Variants in JARID2 observed in about 807,000 individuals in gnomAD.
JARID2 encodes the protein protein Jumonji.
A neutral mutation model predicts 125.6 loss-of-function variants in JARID2; 21 were observed. The ratio of observed to expected loss-of-function variants is 0.17; its 90% CI spans 0.12 to 0.24. JARID2 has a LOEUF of 0.24. Among genes scored for constraint, JARID2 ranks in the 10% least tolerant of loss-of-function variants. The pLI is 1.00. For missense variants in JARID2, 1,303 were observed against 1,639.6 expected (o/e 0.79, Z 3.55); for synonymous variants, 736 against 661.6 (o/e 1.11, Z -1.73).
chr6:15,303,993 C>T (rs1351443264), intron 1 of JARID2, among the ~76,000 whole-genome samples: 2 of 152,152 alleles, frequency 1.3e-5, no homozygotes, highest in East Asian at 1.9e-4. Flanking sequence ...ACTCTAGGCA[C>T]GTTGCTTATG....
Position 15,496,708 on chromosome 6 carries a change from G to A in JARID2, c.1483G>A (p.Glu495Lys), listed in dbSNP as rs1230397653. 2.5e-6 allele frequency: 4 copies of A among 1,613,580 alleles called. No individual in the cohort carries two copies. The highest frequency in any genetic ancestry group is 2.5e-6 in the Non-Finnish European group (3 of 1,179,940). ...GAAGGAAGTGCCGGAGCGCAGTCTG[G>A]AGAGGAATCGGCCGAAGCGGGCCAC... ...VKKEVPERSLERNRPKRATAG... is the reference protein window; with the variant it reads ...VKKEVPERSLKRNRPKRATAG... Residue 495 changes from glutamate to lysine, a missense_variant, in exon 7 of 18, where the codon GAG (glutamate) becomes AAG (lysine). Glu to Lys is a moderately conservative substitution (Grantham distance 56, BLOSUM62 1). Around this residue, in one of 11 missense-constraint regions of JARID2, gnomAD observed 651 missense variants for 581.6 expected, o/e 1.12. Coordinates refer to ENST00000341776, the MANE Select transcript of JARID2 (RefSeq NM_004973.4).
intron 1 of JARID2, among the ~76,000 whole-genome samples, chr6:15,353,902 T>C (rs886697843): frequency 6.6e-6 from 1 of 152,142 alleles, no homozygotes; most frequent in African/African-American, 2.4e-5. Flanking sequence ...TTATGTACAG[T>C]AAAATAAAAA....
At chr6:15,503,825 A>G (rs1770860479) in intron 8 of JARID2, among the ~76,000 whole-genome samples, 1 of 152,130 alleles carries the variant, frequency 6.6e-6, no homozygotes. Flanking sequence ...GAAGGTGCTG[A>G]CTCCGGATTC....
intron 2 of JARID2, among the ~76,000 whole-genome samples, chr6:15,409,639 C>G (rs751593045): frequency 2.6e-5 from 4 of 152,208 alleles, no homozygotes; most frequent in Admixed American, 6.5e-5. Flanking sequence ...CCCTGCTTAT[C>G]ATCTGCTATC....
intron 1 of JARID2, among the ~76,000 whole-genome samples, chr6:15,352,316 T>C (rs964513982): frequency 6.6e-6 from 1 of 152,158 alleles, no homozygotes; most frequent in African/African-American, 2.4e-5. Flanking sequence ...CCCCCGCCTC[T>C]CCACCCCGTT....
intron 2 of JARID2, among the ~76,000 whole-genome samples, chr6:15,396,079 C>A (rs1765209133): frequency 6.6e-6 from 1 of 152,162 alleles, no homozygotes; most frequent in Non-Finnish European, 1.5e-5. Context: ...TCAAAATATT[C>A]TGAAAAAGGT....
At chr6:15,252,590 C>CA (rs1411626496) in intron 1 of JARID2, among the ~76,000 whole-genome samples, 1 of 152,172 alleles carries the variant, frequency 6.6e-6, no homozygotes, top group Non-Finnish European at 1.5e-5. Flanking sequence ...GCACCTAATT[C>CA]ATGGAGTTCA....
chr6:15,398,926 A>G (rs1039958778), intron 2 of JARID2, among the ~76,000 whole-genome samples: 1 of 152,206 alleles, frequency 6.6e-6, no homozygotes, highest in East Asian at 1.9e-4. Flanking sequence ...CTTGCTGAGA[A>G]TTAGCATAAT....
Position 15,402,374 on chromosome 6 carries a change from T to C in JARID2, c.182-7850T>C, listed in dbSNP as rs148819794. Reference sequence around the variant, plus strand: ...AGGAAGCTTTAGAGACCTAAGTACATACACACTTGTAATTACTTGAAGGTA... The same window carrying C: ...AGGAAGCTTTAGAGACCTAAGTACACACACACTTGTAATTACTTGAAGGTA... On this transcript the variant is annotated intron_variant, in intron 2 of 17. Coordinates refer to ENST00000341776, the MANE Select transcript of JARID2 (RefSeq NM_004973.4). Among the ~76,000 whole-genome samples the C allele has an allele frequency of 1.8e-3, 276 of 152,324 alleles. 1 individual carries two copies. The highest frequency in any genetic ancestry group is 6.8e-3 in the Middle Eastern group (2 of 294).
Position 15,520,406 on chromosome 6 carries a change from C to A in JARID2, c.*155C>A. 1 of 596,316 alleles carries A rather than the reference C, an allele frequency of 1.7e-6. No individual in the cohort carries two copies. The highest frequency in any genetic ancestry group is 2.7e-6 in the Non-Finnish European group (1 of 368,098). The allele number at this position is 596,316 out of a possible 1,614,324, so 36.9% of individuals were successfully genotyped here. On this transcript the variant is annotated 3_prime_UTR_variant, in exon 18 of 18. Coordinates refer to ENST00000341776, the MANE Select transcript of JARID2 (RefSeq NM_004973.4). The stretch of plus-strand genomic sequence containing the variant: ...GAACTAATTTTGTTTTAGCATTAAA[C>A]TGTTGAACTTTTTTTTGTACTTAGA...
At chr6:15,444,352 C>A (rs1455521774) in intron 3 of JARID2, among the ~76,000 whole-genome samples, 2 of 152,302 alleles carry the variant, frequency 1.3e-5, no homozygotes, top group East Asian at 3.9e-4. Flanking sequence ...TCTGGGTTCA[C>A]TTGAGGATGT....
At chr6:15,483,862 G>C (rs186399891) in intron 5 of JARID2, among the ~76,000 whole-genome samples, 50 of 152,278 alleles carry the variant, frequency 3.3e-4, no homozygotes, top group African/African-American at 1.2e-3. Context: ...TCCGCCAGTA[G>C]TGTGTGAGGG....
intron 5 of JARID2, among the ~76,000 whole-genome samples, chr6:15,480,645 G>C (rs1233038058): frequency 1.3e-5 from 2 of 152,170 alleles, no homozygotes; most frequent in African/African-American, 4.8e-5. Context: ...CTTTCGAAAA[G>C]ATCATTCTTC....
Position 15,395,016 on chromosome 6 carries a change from T to A in JARID2, c.182-15208T>A, listed in dbSNP as rs368646544. Among the ~76,000 whole-genome samples, 3 of 151,792 alleles carry A rather than the reference T, an allele frequency of 2.0e-5. 1 individual carries two copies. The highest frequency in any genetic ancestry group is 7.2e-5 in the African/African-American group (3 of 41,394). ...GACAAAATAATTAAAACAAGCTACA[T>A]AGAAATTTTTGCTTCTGTCATTAAT... On this transcript the variant is annotated intron_variant, in intron 2 of 17. Transcript: ENST00000341776.
At chr6:15,309,340 C>T (rs1761939313) in intron 1 of JARID2, among the ~76,000 whole-genome samples, 1 of 151,918 alleles carries the variant, frequency 6.6e-6, no homozygotes, top group African/African-American at 2.4e-5. Flanking sequence ...ATGTTTTAAG[C>T]ATCTAGTATA....
chr6:15,404,426 C>T (rs1362732354), intron 2 of JARID2, among the ~76,000 whole-genome samples: 1 of 151,918 alleles, frequency 6.6e-6, no homozygotes, highest in Non-Finnish European at 1.5e-5. Flanking sequence ...TTTTCACTAT[C>T]AATGGCAGCA....
At chr6:15,313,657 A>G (rs2127430626) in intron 1 of JARID2, among the ~76,000 whole-genome samples, 1 of 152,260 alleles carries the variant, frequency 6.6e-6, no homozygotes, top group East Asian at 1.9e-4. Context: ...TTCTTGTGGC[A>G]TTAGTGTTTT....
At chr6:15,474,431 G>A (rs1389664863) in intron 5 of JARID2, among the ~76,000 whole-genome samples, 2 of 147,876 alleles carry the variant, frequency 1.4e-5, no homozygotes, top group East Asian at 2.0e-4. Context: ...TGCCACCATC[G>A]AACAGTCATC....
At position 15,364,593 on chromosome 6, in the gene JARID2, A is replaced by T. The variant is rs1361085697; in HGVS notation, c.46-9524A>T. ...TGTATGAGTGGATGTCTGCACTTTG[A>T]ATAGTTCTTGCCTGCTTTAGACTCT... On this transcript the variant is annotated intron_variant, in intron 1 of 17. Transcript: ENST00000341776. 5.3e-5 allele frequency among the ~76,000 whole-genome samples: 8 copies of T among 152,200 alleles called. No homozygotes were observed. The East Asian group carries it at 1.5e-3, about 29-fold the overall frequency.
Sources: gnomAD v4.1 joint callset for allele counts (sites outside exome capture counted in the v4.1 genomes callset) on GRCh38, gnomAD v4.1.1 for gene constraint, gnomAD v4.1.1 regional missense constraint, MANE v1.5 for transcripts, NCBI Gene and HGNC (gene_info 2026-07-23, HGNC 2026-07-21) for gene names.